Variants in COL5A2 observed in about 807,000 individuals in gnomAD.
The protein encoded by COL5A2 is collagen type V alpha 2 chain, also known as collagen alpha-2(V) chain.
In COL5A2, 23 loss-of-function variants were observed where a neutral mutation model predicts 208.2. That is an observed-to-expected ratio of 0.11 (90% CI 0.08 to 0.16). The LOEUF (loss-of-function observed/expected upper bound fraction) is 0.16. Ranked by LOEUF, COL5A2 falls within the 10% of genes least tolerant of loss-of-function variation. COL5A2 has a pLI of 1.00. For synonymous variants in COL5A2, 625 were observed against 628.5 expected, an observed-to-expected ratio of 0.99 and a Z score of 0.08; for missense variants, 1,590 against 1,956.4, an observed-to-expected ratio of 0.81 and a Z score of 3.53.
intron 32 of COL5A2, 26 bp from the exon 33 acceptor site, chr2:189,058,553 A>C: frequency 6.4e-7 from 1 of 1,566,788 alleles, no homozygotes; most frequent in East Asian, 2.2e-5. Flanking sequence ...GATGTCAAAT[A>C]ATCTCAATAC....
chr2:189,153,261 G>A (rs1688180608), intron 1 of COL5A2, among the ~76,000 whole-genome samples: 1 of 152,208 alleles, frequency 6.6e-6, no homozygotes, highest in South Asian at 2.1e-4. Context: ...GAAGGAGTCA[G>A]ATGGAGAAGA....
At chr2:189,295,931 T>C in the COL5A2 span, among the ~76,000 whole-genome samples, 18 of 152,282 alleles carry the variant, frequency 1.2e-4, no homozygotes, top group Non-Finnish European at 2.4e-4. Flanking sequence ...TTCAACAGTT[T>C]GATGCTCACA....
the COL5A2 span, among the ~76,000 whole-genome samples, chr2:189,239,827 G>A: frequency 6.6e-6 from 1 of 151,682 alleles, no homozygotes; most frequent in South Asian, 2.1e-4. Flanking sequence ...ACAAGATAAG[G>A]AATGCGGGAG....
At chr2:189,274,821 T>G in the COL5A2 span, among the ~76,000 whole-genome samples, 1 of 152,152 alleles carries the variant, frequency 6.6e-6, no homozygotes, top group Non-Finnish European at 1.5e-5. Flanking sequence ...AATTTATTGT[T>G]TCAAATATTT....
chr2:189,140,940 T>C (rs1349539281), intron 1 of COL5A2, among the ~76,000 whole-genome samples: 1 of 152,214 alleles, frequency 6.6e-6, no homozygotes, highest in Non-Finnish European at 1.5e-5. Flanking sequence ...TAACCTAGAT[T>C]CAAATATTTT....
At chr2:189,114,923 C>T (rs1687358423) in intron 1 of COL5A2, among the ~76,000 whole-genome samples, 1 of 151,668 alleles carries the variant, frequency 6.6e-6, no homozygotes, top group African/African-American at 2.4e-5. Context: ...AAAAGAACGC[C>T]AAAACTATAA....
chr2:189,197,170 C>T (rs1044012299), intron 1 of COL5A2, among the ~76,000 whole-genome samples: 18 of 152,122 alleles, frequency 1.2e-4, no homozygotes, highest in African/African-American at 4.3e-4. Context: ...TTATCCTCAG[C>T]AAACTAACAT....
the COL5A2 span, among the ~76,000 whole-genome samples, chr2:189,241,848 C>G: frequency 6.6e-6 from 1 of 152,112 alleles, no homozygotes; most frequent in African/African-American, 2.4e-5. Flanking sequence ...CCAAACTATA[C>G]TCATTTGCAC....
chr2:189,290,717 TACAC>T, the COL5A2 span, among the ~76,000 whole-genome samples: 989 of 136,588 alleles, frequency 7.2e-3, 8 homozygotes, highest in Middle Eastern at 0.026. Flanking sequence ...TTTTTGTTAA[TACAC>T]ACACACACAC....
At chr2:189,206,094 G>C (rs1019933700) in intron 1 of COL5A2, among the ~76,000 whole-genome samples, 1 of 152,138 alleles carries the variant, frequency 6.6e-6, no homozygotes, top group Non-Finnish European at 1.5e-5. Flanking sequence ...CAGGAAACTA[G>C]GGAAAAAGCT....
the COL5A2 span, among the ~76,000 whole-genome samples, chr2:189,315,862 C>A: frequency 2.0e-5 from 3 of 152,108 alleles, no homozygotes; most frequent in Non-Finnish European, 2.9e-5. Flanking sequence ...GAAAAAAGCT[C>A]AATATCACTG....
the COL5A2 span, among the ~76,000 whole-genome samples, chr2:189,240,734 G>T: frequency 3.9e-5 from 6 of 152,168 alleles, 1 homozygote; most frequent in African/African-American, 1.4e-4. Flanking sequence ...AGACAGTTCT[G>T]CAGGTCTCTT....
chr2:189,078,653 A>AGTGGG, intron 15 of COL5A2, 84 bp from the exon 16 acceptor site: 1 of 1,105,260 alleles, frequency 9.0e-7, no homozygotes, highest in Non-Finnish European at 1.4e-6. Flanking sequence ...AATCCAATTG[A>AGTGGG]GATTCAAGAT....
chr2:189,329,642 A>G, the COL5A2 span, among the ~76,000 whole-genome samples: 1 of 152,186 alleles, frequency 6.6e-6, no homozygotes, highest in African/African-American at 2.4e-5. Context: ...AAAAAAATAA[A>G]GCGAATCTCA....
intron 1 of COL5A2, among the ~76,000 whole-genome samples, chr2:189,204,088 G>A (rs575796054): frequency 1.3e-5 from 2 of 152,070 alleles, no homozygotes; most frequent in South Asian, 2.1e-4. Flanking sequence ...TAGCAGAGAC[G>A]GGGTTTCACA....
chr2:189,169,479 A>AT (rs1688531277), intron 1 of COL5A2, among the ~76,000 whole-genome samples: 1 of 152,156 alleles, frequency 6.6e-6, no homozygotes. Context: ...TGGCCTTTTT[A>AT]TTTGAACAGT....
At chr2:189,235,732 G>T in the COL5A2 span, among the ~76,000 whole-genome samples, 2 of 151,500 alleles carry the variant, frequency 1.3e-5, no homozygotes, top group Non-Finnish European at 2.9e-5. Context: ...AGACTTTTTA[G>T]CTCCTAATTA....
chr2:189,351,090 T>C, the COL5A2 span, among the ~76,000 whole-genome samples: 1 of 152,198 alleles, frequency 6.6e-6, no homozygotes, highest in Non-Finnish European at 1.5e-5. Flanking sequence ...TTTTTACCAA[T>C]AGGAGTCTCC....
chr2:189,293,427 T>C, the COL5A2 span, among the ~76,000 whole-genome samples: 24 of 152,264 alleles, frequency 1.6e-4, no homozygotes, highest in African/African-American at 5.5e-4. Flanking sequence ...AGTATTCTAC[T>C]GTATCCCCCA....
Sources: allele counts gnomAD v4.1 joint callset (sites outside exome capture counted in the v4.1 genomes callset), GRCh38; gene constraint gnomAD v4.1.1; transcripts MANE v1.5; gene names NCBI Gene and HGNC (gene_info 2026-07-23, HGNC 2026-07-21).